The following TMTC4 variants were observed in gnomAD, a reference collection of about 807,000 sequenced individuals.
The protein encoded by TMTC4 is protein O-mannosyl-transferase TMTC4.
A neutral mutation model predicts 86.0 loss-of-function variants in TMTC4; 65 were observed. The observed-to-expected ratio is 0.76, with a 90% confidence interval of 0.62 to 0.93. TMTC4 has a LOEUF of 0.93. Ranked by LOEUF, TMTC4 falls within the 40% of genes least tolerant of loss-of-function variation. The pLI is 0.00. For synonymous variants in TMTC4, 379 were observed against 382.5 expected, an observed-to-expected ratio of 0.99 and a Z score of 0.11; for missense variants, 866 against 948.1, an observed-to-expected ratio of 0.91 and a Z score of 1.14.
intron 6 of TMTC4, 114 bp from the exon 7 acceptor site, chr13:100,642,425 G>A (rs1883140926): frequency 1.8e-5 from 21 of 1,199,192 alleles, no homozygotes; most frequent in Non-Finnish European, 2.5e-5. Flanking sequence ...TTAAAAACAG[G>A]GTTTGGGCTT....
In TMTC4 at chr13:100,622,603, A is replaced by G. The variant is rs138679697; in HGVS notation, c.1836+2932T>C. On this transcript the variant is annotated intron_variant, in intron 15 of 18. Transcript: ENST00000342624. ...TATTTTCTTTTGTCTGCTGCCATGT[A>G]AGATGTGCCTTTCACCTTCCACCTT... Among the ~76,000 whole-genome samples the G allele has an allele frequency of 1.0e-3, 156 of 152,180 alleles. No homozygotes were observed. The East Asian group carries it at 0.021, about 20-fold the overall frequency.
chr13:100,663,162 C>T lies in TMTC4; in HGVS notation c.354G>A (p.Ser118=), dbSNP rs199964329. Residue 118 remains serine, a synonymous_variant, in exon 5 of 19, where the codon TCG becomes TCA. Coordinates refer to ENST00000342624, the MANE Select transcript of TMTC4 (RefSeq NM_032813.5). The part of the protein sequence containing the change: ...VLTFRINYYL[S]GGFHPVGFHV... ...GAAAGCCCACGGGGTGGAAGCCTCC[C>T]GAGAGGTAGTAGTTAATCCTGCAGA... The T allele has an allele frequency of 1.5e-5, 24 of 1,614,130 alleles. No individual in the cohort carries two copies. The highest frequency in any genetic ancestry group is 1.1e-4 in the East Asian group (5 of 44,876).
At position 100,637,636 on chromosome 13, in the gene TMTC4, C is replaced by T; in HGVS notation, c.901G>A (p.Gly301Arg). 6.2e-7 allele frequency: 1 copy of T among 1,614,200 alleles called. No homozygotes were observed. Among genetic ancestry groups the T allele is most frequent in the Non-Finnish European group, 8.5e-7 (1 of 1,180,040 alleles). The change falls in exon 9 of 19, where the codon GGG becomes AGG. Residue 301 changes from glycine (G) to arginine (R), a missense_variant. By Grantham distance (125) the Gly-to-Arg change is moderately radical (BLOSUM62 -2). Coordinates refer to ENST00000342624, the MANE Select transcript of TMTC4 (RefSeq NM_032813.5). Reference protein sequence around the residue: ...RMTLLTSGGAGMLYVRWRIMG... With the variant: ...RMTLLTSGGARMLYVRWRIMG... Reference sequence around the variant, plus strand: ...ATCCTCCAGCGCACGTAGAGCATCCCAGCCCCTCCAGAGGTGAGCAGGGTC... The same window carrying T: ...ATCCTCCAGCGCACGTAGAGCATCCTAGCCCCTCCAGAGGTGAGCAGGGTC...
chr13:100,665,876 T>C, intron 3 of TMTC4: 1 of 361,304 alleles, frequency 2.8e-6, no homozygotes, highest in South Asian at 2.1e-5. Context: ...AGGAGCACAC[T>C]GACCACTCCC....
At chr13:100,627,259 G>C (rs1382905085) in intron 12 of TMTC4, among the ~76,000 whole-genome samples, 1 of 152,218 alleles carries the variant, frequency 6.6e-6, no homozygotes, top group Non-Finnish European at 1.5e-5. Flanking sequence ...GCAAGGGCAG[G>C]CTAGGATCAG....
At chr13:100,616,544 C>T (rs1878537541) in intron 15 of TMTC4, among the ~76,000 whole-genome samples, 1 of 152,120 alleles carries the variant, frequency 6.6e-6, no homozygotes, top group Non-Finnish European at 1.5e-5. Context: ...GGTATATAAC[C>T]AGTCATGAGA....
rs1887593074 is a variant in TMTC4 at position 100,674,552 on chromosome 13, C to G, written c.-208+192G>C. The G allele has an allele frequency of 1.0e-5, 10 of 981,924 alleles. No homozygotes were observed. In the South Asian group the frequency reaches 4.2e-4, roughly 42 times the overall value. 60.8% of individuals were successfully genotyped at this position (981,924 alleles called of 1,614,324 possible). On this transcript the variant is annotated intron_variant, in intron 1 of 18. Transcript: ENST00000342624. ...CCCATGTGCGGCTCACACAGGGGCCCGCGTCCCCCGTGACCCCGGCCCGGG... is the reference window on the plus strand; with the variant it reads ...CCCATGTGCGGCTCACACAGGGGCCGGCGTCCCCCGTGACCCCGGCCCGGG...
chr13:100,640,006 C>T (rs1436517024), intron 7 of TMTC4, among the ~76,000 whole-genome samples: 2 of 151,670 alleles, frequency 1.3e-5, no homozygotes, highest in African/African-American at 4.8e-5. Flanking sequence ...AGGAGCCTCC[C>T]GAGGACCTTG....
rs55788516 is a variant in TMTC4, at chr13:100,637,696, C to T, written c.841G>A (p.Gly281Ser). 2.3e-3 allele frequency: 3,689 copies of T among 1,613,626 alleles called. 76 individuals carry two copies. In the African/African-American group the frequency reaches 0.044, roughly 19 times the overall value. The stretch of plus-strand genomic sequence containing the variant: ...AGGAGGCCCCCGTTCCTGAGCATGC[C>T]GAGATTCTGCAAGGACATCGCAAAG... ...LHKDKSLENLGMLRNGGLLFR... is the reference protein window; with the variant it reads ...LHKDKSLENLSMLRNGGLLFR... Residue 281 changes from glycine to serine, a missense_variant, in exon 9 of 19, where the codon GGC (glycine) becomes AGC (serine). By Grantham distance (56) the Gly-to-Ser change is moderately conservative. Coordinates refer to ENST00000342624, the MANE Select transcript of TMTC4 (RefSeq NM_032813.5).
At chr13:100,637,435 T>G in intron 9 of TMTC4, 103 bp downstream of exon 9, 1 of 1,438,238 alleles carries the variant, frequency 7.0e-7, no homozygotes, top group South Asian at 1.4e-5. Context: ...GTATTGGGGA[T>G]TTTGTTGGCG....
intron 1 of TMTC4, chr13:100,674,297 T>C (rs1887541967): frequency 3.1e-6 from 3 of 978,344 alleles, no homozygotes; most frequent in Non-Finnish European, 1.2e-6. Flanking sequence ...GCGGCCCGGC[T>C]GTGTCCAGCC....
At position 100,649,327 on chromosome 13, in the gene TMTC4, T is replaced by G. The variant is rs138157437; in HGVS notation, c.641-7016A>C. Reference sequence around the variant, plus strand: ...CTTCTGCCCACATAATTCCCCAAATTAAGATTTATTTTAAGCCTTAGTTTG... The same window carrying G: ...CTTCTGCCCACATAATTCCCCAAATGAAGATTTATTTTAAGCCTTAGTTTG... On this transcript the variant is annotated intron_variant, in intron 6 of 18. Coordinates refer to ENST00000342624, the MANE Select transcript of TMTC4 (RefSeq NM_032813.5). Among the ~76,000 whole-genome samples the G allele has an allele frequency of 4.1e-3, 629 of 152,322 alleles. 1 individual carries two copies. The highest frequency in any genetic ancestry group is 0.024 in the Middle Eastern group (7 of 294).
intron 12 of TMTC4, among the ~76,000 whole-genome samples, chr13:100,626,550 C>A (rs1159493031): frequency 1.3e-5 from 2 of 152,030 alleles, no homozygotes; most frequent in Admixed American, 6.5e-5. Context: ...AGCCTTGAAC[C>A]CCTGGGATTC....
chr13:100,646,169 T>A (rs541835702), intron 6 of TMTC4, among the ~76,000 whole-genome samples: 1 of 152,166 alleles, frequency 6.6e-6, no homozygotes, highest in African/African-American at 2.4e-5. Flanking sequence ...GTGGCTCTGA[T>A]GCTCCCTAAA....
intron 9 of TMTC4, 27 bp from the exon 10 acceptor site, chr13:100,636,761 CTATT>C (rs1475232429): frequency 1.2e-6 from 2 of 1,611,296 alleles, no homozygotes; most frequent in Non-Finnish European, 1.7e-6. Flanking sequence ...GAACAAACAT[CTATT>C]TGATACTGAA....
intron 17 of TMTC4, 76 bp from the exon 18 acceptor site, chr13:100,606,503 C>G (rs985081135): frequency 7.9e-7 from 1 of 1,260,472 alleles, no homozygotes; most frequent in African/African-American, 1.5e-5. Context: ...TTATCACCTA[C>G]GGTTTTCAAA....
chr13:100,635,743 AAC>A (rs1442031054), intron 10 of TMTC4: 2 of 153,084 alleles, frequency 1.3e-5, no homozygotes, highest in African/African-American at 4.8e-5. Flanking sequence ...TGAGCATTGA[AAC>A]ACTTCTGGAA....
At chr13:100,652,823 A>G (rs1197737093) in intron 6 of TMTC4, among the ~76,000 whole-genome samples, 1 of 152,218 alleles carries the variant, frequency 6.6e-6, no homozygotes, top group Admixed American at 6.5e-5. Flanking sequence ...TTTTAATCAA[A>G]ATATACTGGA....
At chr13:100,670,246 A>T (rs1200966036) in intron 2 of TMTC4, 114 bp downstream of exon 2, 18 of 1,223,096 alleles carry the variant, frequency 1.5e-5, no homozygotes, top group Non-Finnish European at 1.8e-5. Context: ...GATACCCCAG[A>T]TTATGGAATC....
Sources: allele counts gnomAD v4.1 joint callset (sites outside exome capture counted in the v4.1 genomes callset), GRCh38; gene constraint gnomAD v4.1.1; transcripts MANE v1.5; gene names NCBI Gene and HGNC (gene_info 2026-07-23, HGNC 2026-07-21).